SNRNP48: variants seen among roughly 807,000 people sequenced by gnomAD.
SNRNP48 encodes the protein small nuclear ribonucleoprotein U11/U12 subunit 48.
SNRNP48 carries 43 observed loss-of-function variants against 47.0 expected under a neutral mutation model. The ratio of observed to expected loss-of-function variants is 0.92; its 90% CI spans 0.72 to 1.18. SNRNP48 has a LOEUF of 1.18. Ranked by LOEUF, SNRNP48 falls within the 50% of genes most tolerant of loss-of-function variation. The probability of loss-of-function intolerance (pLI) is 0.00; values close to 1 mark genes in which losing one functional copy is unlikely to be tolerated. For missense variants in SNRNP48, 396 were observed against 422.2 expected (o/e 0.94, Z 0.54); for synonymous variants, 138 against 144.0 (o/e 0.96, Z 0.30).
intron 1 of SNRNP48, among the ~76,000 whole-genome samples, chr6:7,592,664 G>T (rs1322673260): frequency 6.6e-6 from 1 of 152,138 alleles, no homozygotes; most frequent in South Asian, 2.1e-4. Context: ...CCAGTAAGTG[G>T]CAGAGATGGA....
chr6:7,606,254 G>A (rs1760125967), intron 8 of SNRNP48, 59 bp downstream of exon 8: 1 of 1,477,518 alleles, frequency 6.8e-7, no homozygotes, highest in South Asian at 1.4e-5. Context: ...AATAGAACAG[G>A]TTCTTCTGTT....
intron 4 of SNRNP48, chr6:7,599,986 A>G (rs1759982602): frequency 1.0e-6 from 1 of 991,822 alleles, no homozygotes. Flanking sequence ...GTAATACATC[A>G]TTATTTTCTA....
chr6:7,591,292 A>T (rs924398570), intron 1 of SNRNP48, among the ~76,000 whole-genome samples: 2 of 152,162 alleles, frequency 1.3e-5, no homozygotes, highest in Non-Finnish European at 2.9e-5. Context: ...TTGCTTTTTT[A>T]AAAATGTAGG....
rs1159466381 is a variant in SNRNP48 at position 7,609,715 on chromosome 6, C to G, written c.*842C>G. 6.6e-6 allele frequency: 1 copy of G among 152,008 alleles called. No individual in the cohort carries two copies. Among genetic ancestry groups the G allele is most frequent in the African/African-American group, 2.4e-5 (1 of 41,372 alleles). 9.4% of individuals were successfully genotyped at this position (152,008 alleles called of 1,614,324 possible). On this transcript the variant is annotated 3_prime_UTR_variant, in exon 9 of 9. Transcript: ENST00000342415. Reference sequence around the variant, plus strand: ...TTTAAAAAATAAGGTCTTAATGTTTCATTTAATTTAAAATATACTGTCATG... The same window carrying G: ...TTTAAAAAATAAGGTCTTAATGTTTGATTTAATTTAAAATATACTGTCATG...
In SNRNP48 at chr6:7,606,120, G is replaced by C; in HGVS notation, c.896G>C (p.Arg299Thr). The C allele has an allele frequency of 6.2e-7, 1 of 1,613,864 alleles. No homozygotes were observed. Among genetic ancestry groups the C allele is most frequent in the Non-Finnish European group, 8.5e-7 (1 of 1,179,944 alleles). ...DAECSRHRRDRSRSPHKRKRN... is the reference protein window; with the variant it reads ...DAECSRHRRDTSRSPHKRKRN... The stretch of plus-strand genomic sequence containing the variant: ...GAGTGTTCACGACATAGAAGGGATA[G>C]GAGTAGAAGCCCACATAAAAGAAAA... Residue 299 changes from arginine (R) to threonine (T), a missense_variant, in exon 8 of 9, where the codon AGG (arginine) becomes ACG (threonine). By Grantham distance (71) the Arg-to-Thr change is moderately conservative. Coordinates refer to ENST00000342415, the MANE Select transcript of SNRNP48 (RefSeq NM_152551.4).
Position 7,605,384 on chromosome 6 carries a change from T to G in SNRNP48, c.718-14T>G. Reference sequence around the variant, plus strand: ...AGTTTTCTTACCTGAAGTTCGGTGCTTACCTCTCCCAAGGTGATTCGAGAT... The same window carrying G: ...AGTTTTCTTACCTGAAGTTCGGTGCGTACCTCTCCCAAGGTGATTCGAGAT... On this transcript the variant is annotated splice_polypyrimidine_tract_variant and intron_variant, in intron 6 of 8. Coordinates refer to ENST00000342415, the MANE Select transcript of SNRNP48 (RefSeq NM_152551.4). 6.2e-7 allele frequency: 1 copy of G among 1,612,408 alleles called. No individual in the cohort carries two copies. The highest frequency in any genetic ancestry group is 1.7e-4 in the Middle Eastern group (1 of 6,054).
chr6:7,602,779 C>A, intron 6 of SNRNP48, 35 bp downstream of exon 6: 2 of 1,499,224 alleles, frequency 1.3e-6, no homozygotes, highest in South Asian at 1.3e-5. Flanking sequence ...ATAAGAATTT[C>A]CCTTAGGTAA....
chr6:7,608,573 CAA>C (rs1262151896), intron 8 of SNRNP48, among the ~76,000 whole-genome samples: 1 of 151,820 alleles, frequency 6.6e-6, no homozygotes, highest in African/African-American at 2.4e-5. Flanking sequence ...CAGAAACAAA[CAA>C]ATAAAAAAAC....
chr6:7,598,790 G>T (rs1427864745), intron 4 of SNRNP48, among the ~76,000 whole-genome samples: 1 of 152,168 alleles, frequency 6.6e-6, no homozygotes, highest in Admixed American at 6.5e-5. Flanking sequence ...CCTAAACTCA[G>T]TGTACAGAAT....
At chr6:7,606,687 G>A (rs1327413183) in intron 8 of SNRNP48, among the ~76,000 whole-genome samples, 1 of 152,178 alleles carries the variant, frequency 6.6e-6, no homozygotes, top group African/African-American at 2.4e-5. Context: ...TACCGAATTA[G>A]TAAATGTAAA....
rs747486729 is a variant in SNRNP48, at chr6:7,602,757, T to C, written c.717+13T>C. ...ATCATATACTGAGGTAAGTTTTACA[T>C]AATCTTTGTTGATAAGAATTTCCCT... is the stretch of plus-strand genomic sequence containing the variant. On this transcript the variant is annotated intron_variant, in intron 6 of 8. Transcript: ENST00000342415. 4 of 1,531,722 alleles carry C rather than the reference T, an allele frequency of 2.6e-6. No individual in the cohort carries two copies. In the East Asian group the frequency reaches 9.4e-5, roughly 36 times the overall value. The allele number at this position is 1,531,722 out of a possible 1,614,324, so 94.9% of individuals were successfully genotyped here.
intron 1 of SNRNP48, among the ~76,000 whole-genome samples, chr6:7,592,784 T>C (rs892780699): frequency 1.3e-5 from 2 of 151,982 alleles, no homozygotes; most frequent in African/African-American, 4.8e-5. Flanking sequence ...GAGATGGTGT[T>C]GTATTCCAGG....
intron 8 of SNRNP48, 132 bp downstream of exon 8, chr6:7,606,327 CGAT>C: frequency 1.1e-6 from 1 of 899,976 alleles, no homozygotes. Context: ...AAACAATTGA[CGAT>C]GATTCTTAAC....
intron 5 of SNRNP48, 100 bp downstream of exon 5, chr6:7,601,624 A>G: frequency 7.9e-7 from 1 of 1,271,530 alleles, no homozygotes; most frequent in Non-Finnish European, 1.1e-6. Context: ...GAGTTAGAGT[A>G]AAATGGTTTT....
intron 6 of SNRNP48, among the ~76,000 whole-genome samples, chr6:7,604,525 T>C (rs1760089158): frequency 1.3e-5 from 2 of 152,190 alleles, no homozygotes; most frequent in Non-Finnish European, 2.9e-5. Context: ...CGATTTTACT[T>C]TGAGAGCCAT....
At chr6:7,597,620 G>A (rs1759926506) in intron 4 of SNRNP48, among the ~76,000 whole-genome samples, 1 of 152,066 alleles carries the variant, frequency 6.6e-6, no homozygotes, top group South Asian at 2.1e-4. Context: ...TATACAGAAA[G>A]TAATATTAAG....
chr6:7,593,666 C>A, intron 1 of SNRNP48, 68 bp from the exon 2 acceptor site: 3 of 1,021,770 alleles, frequency 2.9e-6, no homozygotes, highest in Admixed American at 2.5e-5. Context: ...AAATGGTAAA[C>A]ATTTAATGGT....
intron 5 of SNRNP48, among the ~76,000 whole-genome samples, 168 bp from the exon 6 acceptor site, chr6:7,602,455 A>G (rs889200487): frequency 4.6e-5 from 7 of 152,236 alleles, no homozygotes; most frequent in Admixed American, 1.3e-4. Flanking sequence ...GAGAGAAGAA[A>G]TGATATAAAA....
rs2806217 is a variant in SNRNP48 at position 7,611,122 on chromosome 6, A to G, written c.*2249A>G. On this transcript the variant is annotated 3_prime_UTR_variant, in exon 9 of 9. Coordinates refer to ENST00000342415, the MANE Select transcript of SNRNP48 (RefSeq NM_152551.4). ...CAGTCTGTAGCTCACTGCAGCCTCA[A>G]ACTCCTAGGCTCAGGCGATCCTCTT... 0.29 allele frequency: 44,308 copies of G among 152,160 alleles called. 7,092 individuals are homozygous for G. Among genetic ancestry groups the G allele is most frequent in the Middle Eastern group, 0.42 (123 of 294 alleles). 9.4% of individuals were successfully genotyped at this position (152,160 alleles called of 1,614,324 possible).
Sources: gnomAD v4.1 joint callset for allele counts (sites outside exome capture counted in the v4.1 genomes callset) on GRCh38, gnomAD v4.1.1 for gene constraint, MANE v1.5 for transcripts, NCBI Gene and HGNC (gene_info 2026-07-23, HGNC 2026-07-21) for gene names.